Variants in RALYL observed in about 807,000 individuals in gnomAD.
The protein encoded by RALYL is RNA-binding Raly-like protein.
In RALYL, 29 loss-of-function variants were observed where a neutral mutation model predicts 35.1. The ratio of observed to expected loss-of-function variants is 0.83; its 90% CI spans 0.61 to 1.13. The LOEUF is 1.13. Ranked by LOEUF, RALYL falls within the 50% of genes most tolerant of loss-of-function variation. The probability of loss-of-function intolerance (pLI) is 0.00; values close to 1 mark genes in which losing one functional copy is unlikely to be tolerated. For missense variants in RALYL, 359 were observed against 360.4 expected, an observed-to-expected ratio of 1.00 and a Z score of 0.03; for synonymous variants, 120 against 127.6, an observed-to-expected ratio of 0.94 and a Z score of 0.40.
At chr8:84,328,810 C>A (rs1247488113) in intron 1 of RALYL, among the ~76,000 whole-genome samples, 1 of 152,112 alleles carries the variant, frequency 6.6e-6, no homozygotes, top group Non-Finnish European at 1.5e-5. Context: ...ACTTTATGTC[C>A]ATGAATGCCC....
intron 2 of RALYL, among the ~76,000 whole-genome samples, chr8:84,696,202 C>G (rs910843246): frequency 6.6e-6 from 1 of 150,990 alleles, no homozygotes; most frequent in Non-Finnish European, 1.5e-5. Flanking sequence ...AAGTTAAGTT[C>G]ATTTAATTTA....
intron 6 of RALYL, among the ~76,000 whole-genome samples, chr8:84,867,234 A>G (rs1450500231): frequency 1.3e-5 from 2 of 152,136 alleles, no homozygotes; most frequent in Non-Finnish European, 2.9e-5. Flanking sequence ...CTATGTTACA[A>G]GGGCATCACC....
intron 1 of RALYL, among the ~76,000 whole-genome samples, chr8:84,352,886 T>C (rs992855432): frequency 2.7e-5 from 4 of 150,134 alleles, no homozygotes; most frequent in African/African-American, 5.0e-5. Context: ...GTCGTTTTTT[T>C]ACTCTGCAAA....
chr8:84,667,142 G>A (rs1832240824), intron 2 of RALYL, among the ~76,000 whole-genome samples: 1 of 151,898 alleles, frequency 6.6e-6, no homozygotes, highest in Admixed American at 6.6e-5. Context: ...TTTGACCATG[G>A]ATTTTTTGCT....
intron 2 of RALYL, among the ~76,000 whole-genome samples, chr8:84,636,155 C>T (rs1354712847): frequency 1.3e-5 from 2 of 151,670 alleles, no homozygotes; most frequent in Non-Finnish European, 3.0e-5. Context: ...TTCTAATTAC[C>T]AGGATTTAAT....
chr8:84,456,169 G>A (rs1026274036), intron 1 of RALYL, among the ~76,000 whole-genome samples: 3 of 151,992 alleles, frequency 2.0e-5, no homozygotes. Context: ...AACAGACTGG[G>A]TGAGGTGTTG....
chr8:84,792,469 G>T (rs187970063), intron 3 of RALYL, among the ~76,000 whole-genome samples: 112 of 152,340 alleles, frequency 7.4e-4, no homozygotes, highest in Middle Eastern at 3.4e-3. Flanking sequence ...TCCCCCTGGA[G>T]CTGGTGGTTT....
At chr8:84,266,194 C>G (rs1297881114) in intron 1 of RALYL, among the ~76,000 whole-genome samples, 2 of 152,024 alleles carry the variant, frequency 1.3e-5, no homozygotes, top group African/African-American at 2.4e-5. Context: ...CCCAAATATA[C>G]CTCTTGGTTT....
At chr8:84,717,517 T>C (rs1336507990) in intron 2 of RALYL, among the ~76,000 whole-genome samples, 2 of 152,194 alleles carry the variant, frequency 1.3e-5, no homozygotes, top group East Asian at 3.9e-4. Flanking sequence ...AATGTGGCAT[T>C]GGGCCTGGAA....
At chr8:84,367,324 T>G in intron 1 of RALYL, among the ~76,000 whole-genome samples, 1 of 13,966 alleles carries the variant, frequency 7.2e-5, no homozygotes, top group Non-Finnish European at 1.2e-4. Flanking sequence ...TTGTATTTTT[T>G]TTTTTTTTTT....
At chr8:84,289,927 C>T (rs546922514) in intron 1 of RALYL, among the ~76,000 whole-genome samples, 11 of 152,232 alleles carry the variant, frequency 7.2e-5, no homozygotes, top group East Asian at 3.9e-4. Flanking sequence ...TTTGTTTCCA[C>T]TAGATTCCTT....
chr8:84,831,044 G>T (rs2134388192), intron 4 of RALYL, among the ~76,000 whole-genome samples: 1 of 151,922 alleles, frequency 6.6e-6, no homozygotes, highest in Non-Finnish European at 1.5e-5. Flanking sequence ...TAGAGGAAAA[G>T]TAAAATGGCA....
chr8:84,717,266 A>G (rs569644219), intron 2 of RALYL, among the ~76,000 whole-genome samples: 16 of 152,314 alleles, frequency 1.1e-4, no homozygotes, highest in South Asian at 2.1e-4. Context: ...TTAGAACCAT[A>G]TTAAGTTAAC....
intron 1 of RALYL, among the ~76,000 whole-genome samples, chr8:84,283,417 A>G (rs1836998910): frequency 6.6e-6 from 1 of 152,118 alleles, no homozygotes; most frequent in African/African-American, 2.4e-5. Context: ...CTTTCACATT[A>G]AAAGATAGTC....
chr8:84,207,968 C>G (rs1032450478), intron 1 of RALYL, among the ~76,000 whole-genome samples: 3 of 151,980 alleles, frequency 2.0e-5, no homozygotes, highest in Admixed American at 6.6e-5. Context: ...GCAGTTCGCT[C>G]TTTGAAGAAG....
intron 2 of RALYL, among the ~76,000 whole-genome samples, chr8:84,631,066 G>A (rs1272432418): frequency 6.6e-6 from 1 of 151,994 alleles, no homozygotes; most frequent in African/African-American, 2.4e-5. Flanking sequence ...GAAGAAAAGT[G>A]TGATCATAAG....
intron 2 of RALYL, among the ~76,000 whole-genome samples, chr8:84,539,407 C>T (rs984340249): frequency 6.6e-6 from 1 of 152,024 alleles, no homozygotes; most frequent in African/African-American, 2.4e-5. Flanking sequence ...ACTGGAGAAA[C>T]AGGTCCTAGA....
At chr8:84,212,559 G>T (rs1357051328) in intron 1 of RALYL, among the ~76,000 whole-genome samples, 1 of 152,104 alleles carries the variant, frequency 6.6e-6, no homozygotes, top group Non-Finnish European at 1.5e-5. Flanking sequence ...AAAGGTTATT[G>T]CTTCATCTAA....
At chr8:84,432,343 C>G (rs1159539513) in intron 1 of RALYL, among the ~76,000 whole-genome samples, 1 of 151,944 alleles carries the variant, frequency 6.6e-6, no homozygotes, top group African/African-American at 2.4e-5. Context: ...CTTACAGAGG[C>G]AGAGAATAGA....
Sources: allele counts gnomAD v4.1 joint callset (sites outside exome capture counted in the v4.1 genomes callset), GRCh38; gene constraint gnomAD v4.1.1; transcripts MANE v1.5; gene names NCBI Gene and HGNC (gene_info 2026-07-23, HGNC 2026-07-21).